ST8SIA1: variants seen among roughly 807,000 people sequenced by gnomAD.
ST8SIA1 encodes ST8 alpha-N-acetyl-neuraminide alpha-2,8-sialyltransferase 1, also known as alpha-N-acetylneuraminide alpha-2,8-sialyltransferase.
In ST8SIA1, 16 loss-of-function variants were observed where a neutral mutation model predicts 35.9. The observed-to-expected ratio is 0.45, with a 90% CI of 0.30 to 0.68. The LOEUF is 0.68. Ranked by LOEUF, ST8SIA1 falls within the 30% of genes least tolerant of loss-of-function variation. ST8SIA1 has a pLI of 0.09. For synonymous variants in ST8SIA1, 170 were observed against 169.6 expected (o/e 1.00, Z -0.02); for missense variants, 383 against 453.6 (o/e 0.84, Z 1.41).
rs1000023645 is a variant in ST8SIA1, at chr12:22,195,271, C to T, written c.*6281G>A. 1 of 151,542 alleles carries T rather than the reference C, an allele frequency of 6.6e-6. No individual in the cohort carries two copies. The highest frequency in any genetic ancestry group is 1.5e-5 in the Non-Finnish European group (1 of 67,974). 9.4% of individuals were successfully genotyped at this position (151,542 alleles called of 1,614,324 possible). Reference sequence around the variant, plus strand: ...GTGTTGTTTCACTGTGATCAAACTCCCAGGAGAGCACCTCTTGGGAAGGGA... The same window carrying T: ...GTGTTGTTTCACTGTGATCAAACTCTCAGGAGAGCACCTCTTGGGAAGGGA... On this transcript the variant is annotated 3_prime_UTR_variant, in exon 5 of 5. Coordinates refer to ENST00000396037, the MANE Select transcript of ST8SIA1 (RefSeq NM_003034.4).
intron 2 of ST8SIA1, among the ~76,000 whole-genome samples, chr12:22,275,603 T>G (rs1393927518): frequency 6.6e-6 from 1 of 152,088 alleles, no homozygotes; most frequent in Non-Finnish European, 1.5e-5. Flanking sequence ...TGGCAATTGG[T>G]AAGCTTATAT....
chr12:22,319,622 T>A (rs990832915), intron 1 of ST8SIA1, among the ~76,000 whole-genome samples: 22 of 152,194 alleles, frequency 1.4e-4, no homozygotes, highest in Non-Finnish European at 2.4e-4. Flanking sequence ...TCAGCAGGGC[T>A]GGGGGAAGAG....
intron 4 of ST8SIA1, among the ~76,000 whole-genome samples, chr12:22,208,755 A>G (rs1040839486): frequency 4.6e-5 from 7 of 152,200 alleles, no homozygotes; most frequent in African/African-American, 1.4e-4. Context: ...TAATAAAAAC[A>G]CTATGGAACT....
chr12:22,323,577 T>G (rs1459277142), intron 1 of ST8SIA1, among the ~76,000 whole-genome samples: 1 of 152,204 alleles, frequency 6.6e-6, no homozygotes, highest in Non-Finnish European at 1.5e-5. Context: ...GCAGCACTAT[T>G]CACAATAGCA....
At chr12:22,286,540 T>A (rs1565587011) in intron 2 of ST8SIA1, 1 of 517,488 alleles carries the variant, frequency 1.9e-6, no homozygotes, top group Admixed American at 1.9e-5. Context: ...AAATAAAATT[T>A]CCCTTTTCCC....
intron 1 of ST8SIA1, among the ~76,000 whole-genome samples, chr12:22,321,042 GAAAGA>G (rs147820055): frequency 2.0e-5 from 1 of 49,136 alleles, no homozygotes; most frequent in African/African-American, 1.1e-4. Context: ...AAGAGAAAGA[GAAAGA>G]AAAGAAAAGG....
chr12:22,230,578 G>A (rs1042346492), intron 4 of ST8SIA1, among the ~76,000 whole-genome samples: 1 of 152,158 alleles, frequency 6.6e-6, no homozygotes, highest in Admixed American at 6.5e-5. Context: ...TCCAGTTAAA[G>A]AATTATTCTA....
At chr12:22,208,915 C>T (rs1441366276) in intron 4 of ST8SIA1, among the ~76,000 whole-genome samples, 1 of 152,074 alleles carries the variant, frequency 6.6e-6, no homozygotes, top group Non-Finnish European at 1.5e-5. Context: ...GGTCTACTGG[C>T]TAGCCAGTAA....
chr12:22,275,056 CA>C (rs1865953559), intron 2 of ST8SIA1, among the ~76,000 whole-genome samples: 1 of 151,978 alleles, frequency 6.6e-6, no homozygotes, highest in South Asian at 2.1e-4. Flanking sequence ...TCAACACTGC[CA>C]GGTGGTTGAG....
At chr12:22,276,514 G>A (rs1865970629) in intron 2 of ST8SIA1, among the ~76,000 whole-genome samples, 1 of 152,138 alleles carries the variant, frequency 6.6e-6, no homozygotes, top group Non-Finnish European at 1.5e-5. Flanking sequence ...AGGGCTGCCT[G>A]GGGGAGGCAG....
At position 22,330,675 on chromosome 12, in the gene ST8SIA1, T is replaced by C. The variant is rs187420305; in HGVS notation, c.236+3322A>G. ...TAATGATATATCAATTTATACAAGA[T>C]TCTTATGAGGATTAAATGAGACAAT... is the stretch of plus-strand genomic sequence containing the variant. On this transcript the variant is annotated intron_variant, in intron 1 of 4. Transcript: ENST00000396037. 2.1e-3 allele frequency among the ~76,000 whole-genome samples: 316 copies of C among 152,306 alleles called. 2 individuals are homozygous for C. The highest frequency in any genetic ancestry group is 7.5e-3 in the African/African-American group (312 of 41,560).
intron 4 of ST8SIA1, among the ~76,000 whole-genome samples, chr12:22,238,694 G>A (rs1418342301): frequency 6.6e-6 from 1 of 152,142 alleles, no homozygotes; most frequent in Non-Finnish European, 1.5e-5. Context: ...CCTAACTTAT[G>A]CAATGTCATT....
chr12:22,333,913 A>G, intron 1 of ST8SIA1, 84 bp downstream of exon 1: 1 of 1,194,524 alleles, frequency 8.4e-7, no homozygotes, highest in Non-Finnish European at 1.2e-6. Flanking sequence ...GAGACGGTGC[A>G]AGGCGGTCCT....
At chr12:22,263,456 A>G (rs1865814228) in intron 2 of ST8SIA1, among the ~76,000 whole-genome samples, 1 of 152,192 alleles carries the variant, frequency 6.6e-6, no homozygotes. Context: ...GAGGATGCCA[A>G]AATTATTTAT....
At chr12:22,270,571 A>G (rs911932381) in intron 2 of ST8SIA1, among the ~76,000 whole-genome samples, 1 of 152,224 alleles carries the variant, frequency 6.6e-6, no homozygotes, top group African/African-American at 2.4e-5. Flanking sequence ...AATATGTTCA[A>G]TATAATTTTT....
At chr12:22,227,508 G>T (rs1457333329) in intron 4 of ST8SIA1, among the ~76,000 whole-genome samples, 1 of 152,014 alleles carries the variant, frequency 6.6e-6, no homozygotes, top group East Asian at 2.0e-4. Context: ...GGAGATGGAG[G>T]TTGCAGTTAG....
intron 2 of ST8SIA1, among the ~76,000 whole-genome samples, chr12:22,258,998 T>G (rs1865756851): frequency 6.6e-6 from 1 of 152,218 alleles, no homozygotes; most frequent in South Asian, 2.1e-4. Flanking sequence ...CACACAGGCT[T>G]TCATGAAATT....
chr12:22,301,360 G>A (rs114884980), intron 1 of ST8SIA1, among the ~76,000 whole-genome samples: 1,550 of 151,984 alleles, frequency 0.01, 36 homozygotes, highest in African/African-American at 0.035. Context: ...TAGAAGACTG[G>A]AGTAATATTT....
intron 1 of ST8SIA1, among the ~76,000 whole-genome samples, chr12:22,318,049 A>G (rs1298461819): frequency 6.6e-6 from 1 of 152,248 alleles, no homozygotes; most frequent in African/African-American, 2.4e-5. Flanking sequence ...ATAGGAAAAC[A>G]TCTGGAAGAA....
Sources: allele counts gnomAD v4.1 joint callset (sites outside exome capture counted in the v4.1 genomes callset), GRCh38; gene constraint gnomAD v4.1.1; transcripts MANE v1.5; gene names NCBI Gene and HGNC (gene_info 2026-07-23, HGNC 2026-07-21).